Variants in DRC11 observed in about 807,000 individuals in gnomAD.
DRC11 encodes dynein regulatory complex subunit 11.
the DRC11 span, among the ~76,000 whole-genome samples, chr2:236,351,505 GA>G: frequency 6.6e-6 from 1 of 152,214 alleles, no homozygotes; most frequent in Admixed American, 6.5e-5. This position sits in a 1 kb window ranked among gnomAD's most constrained non-coding sequence, Gnocchi z 7.3. Flanking sequence ...GAAGGGGTCA[GA>G]AAAGTGCACG....
the DRC11 span, among the ~76,000 whole-genome samples, chr2:236,310,241 A>G: frequency 6.6e-6 from 1 of 152,142 alleles, no homozygotes; most frequent in Non-Finnish European, 1.5e-5. The surrounding 1 kb of genome is among the most constrained non-coding windows in gnomAD (Gnocchi z 5.5). Flanking sequence ...AAAAGGCAGG[A>G]GCTGGCTTCA....
the DRC11 span, among the ~76,000 whole-genome samples, chr2:236,421,959 T>C: frequency 2.6e-5 from 4 of 152,162 alleles, no homozygotes; most frequent in East Asian, 1.9e-4. Flanking sequence ...ACAAAAACCA[T>C]ATGATTATCT....
chr2:236,387,646 C>G, the DRC11 span, among the ~76,000 whole-genome samples: 2 of 151,282 alleles, frequency 1.3e-5, no homozygotes, highest in Admixed American at 6.6e-5. Flanking sequence ...TTAATTGGAG[C>G]ATTTAGTCCA....
At chr2:236,380,600 CCTT>C in the DRC11 span, 18 of 1,551,572 alleles carry the variant, frequency 1.2e-5, no homozygotes, top group African/African-American at 1.5e-4. This position sits in a 1 kb window ranked among gnomAD's most constrained non-coding sequence, Gnocchi z 4.9. Flanking sequence ...TCCTTCTTTG[CCTT>C]CTTCTCTTTC....
the DRC11 span, among the ~76,000 whole-genome samples, chr2:236,351,755 C>T: frequency 0.24 from 36,653 of 151,644 alleles, 5,297 homozygotes; most frequent in African/African-American, 0.41. This position sits in a 1 kb window ranked among gnomAD's most constrained non-coding sequence, Gnocchi z 7.3. Flanking sequence ...GATGAGAGCC[C>T]GCAGCGGGGG....
At chr2:236,505,342 T>G in the DRC11 span, among the ~76,000 whole-genome samples, 1 of 152,166 alleles carries the variant, frequency 6.6e-6, no homozygotes, top group African/African-American at 2.4e-5. Flanking sequence ...TTCAAGTTAT[T>G]TTGCACAAGA....
the DRC11 span, among the ~76,000 whole-genome samples, chr2:236,347,949 A>G: frequency 6.6e-6 from 1 of 152,124 alleles, no homozygotes; most frequent in Admixed American, 6.5e-5. Flanking sequence ...AGTCTATTTC[A>G]AAGCCTAGCC....
At chr2:236,320,566 A>T in the DRC11 span, among the ~76,000 whole-genome samples, 1 of 152,206 alleles carries the variant, frequency 6.6e-6, no homozygotes, top group Non-Finnish European at 1.5e-5. Context: ...TCTCAGGAGC[A>T]TCTTTTCAGC....
the DRC11 span, among the ~76,000 whole-genome samples, chr2:236,340,724 C>T: frequency 3.0e-4 from 46 of 152,172 alleles, no homozygotes; most frequent in Admixed American, 2.0e-3. Flanking sequence ...TGATCCCTGC[C>T]CTTTCTGAGG....
the DRC11 span, among the ~76,000 whole-genome samples, chr2:236,474,729 C>A: frequency 6.6e-6 from 1 of 152,058 alleles, no homozygotes; most frequent in Non-Finnish European, 1.5e-5. Flanking sequence ...ATGTACCTAC[C>A]TATCCATATA....
chr2:236,413,812 T>A, the DRC11 span, among the ~76,000 whole-genome samples: 1 of 152,218 alleles, frequency 6.6e-6, no homozygotes, highest in Non-Finnish European at 1.5e-5. This position sits in a 1 kb window ranked among gnomAD's most constrained non-coding sequence, Gnocchi z 4.0. Flanking sequence ...TGGTCTAACA[T>A]GTGGCTTGAA....
At chr2:236,410,745 A>G in the DRC11 span, among the ~76,000 whole-genome samples, 7 of 150,796 alleles carry the variant, frequency 4.6e-5, no homozygotes, top group South Asian at 1.5e-3. Context: ...AATGCCACAT[A>G]TCTACAACTA....
chr2:236,348,021 A>G, the DRC11 span, among the ~76,000 whole-genome samples: 12 of 152,322 alleles, frequency 7.9e-5, no homozygotes, highest in African/African-American at 2.9e-4. This position sits in a 1 kb window ranked among gnomAD's most constrained non-coding sequence, Gnocchi z 7.4. Context: ...GCTTTCATCA[A>G]TGAAACAGAC....
chr2:236,325,218 C>T, the DRC11 span, among the ~76,000 whole-genome samples: 2 of 152,194 alleles, frequency 1.3e-5, no homozygotes. The surrounding 1 kb of genome is among the most constrained non-coding windows in gnomAD (Gnocchi z 4.4). Context: ...AGCCCAAATA[C>T]TAACCAAGAA....
chr2:236,488,765 A>G, the DRC11 span, among the ~76,000 whole-genome samples: 65 of 152,384 alleles, frequency 4.3e-4, no homozygotes, highest in African/African-American at 1.4e-3. Context: ...GAGTACTAGT[A>G]AAACAGAAAA....
At chr2:236,491,380 T>G in the DRC11 span, among the ~76,000 whole-genome samples, 1 of 149,536 alleles carries the variant, frequency 6.7e-6, no homozygotes, top group Non-Finnish European at 1.5e-5. Flanking sequence ...CTGGCACATG[T>G]GAAATGAGAC....
the DRC11 span, among the ~76,000 whole-genome samples, chr2:236,444,708 C>A: frequency 6.6e-6 from 1 of 152,230 alleles, no homozygotes; most frequent in African/African-American, 2.4e-5. Flanking sequence ...GAACCTGATT[C>A]TCTTTCTCTA....
chr2:236,324,649 A>G, the DRC11 span: 26 of 1,162,036 alleles, frequency 2.2e-5, no homozygotes, highest in South Asian at 3.3e-4. The surrounding 1 kb of genome is among the most constrained non-coding windows in gnomAD (Gnocchi z 5.7). Context: ...GTTCTTCAGA[A>G]AGGCATTACT....
the DRC11 span, among the ~76,000 whole-genome samples, chr2:236,337,944 G>C: frequency 3.3e-5 from 5 of 152,294 alleles, 1 homozygote; most frequent in Admixed American, 2.6e-4. This position sits in a 1 kb window ranked among gnomAD's most constrained non-coding sequence, Gnocchi z 4.9. Flanking sequence ...TTTTGTCACT[G>C]TCAGGGCCAG....
Sources: gnomAD v4.1 joint callset for allele counts (sites outside exome capture counted in the v4.1 genomes callset) on GRCh38, gnomAD v4.1.1 for gene constraint, Gnocchi (gnomAD v3.1) non-coding constraint, MANE v1.5 for transcripts, NCBI Gene and HGNC (gene_info 2026-07-23, HGNC 2026-07-21) for gene names.